The following ZSWIM6 variants were observed in gnomAD, a reference collection of about 807,000 sequenced individuals.
ZSWIM6 encodes the protein zinc finger SWIM-type containing 6.
In ZSWIM6, 9 loss-of-function variants were observed where a neutral mutation model predicts 113.2. The ratio of observed to expected loss-of-function variants is 0.08; its 90% CI spans 0.05 to 0.14. ZSWIM6 has a LOEUF of 0.14. Ranked by LOEUF, ZSWIM6 falls within the 10% of genes least tolerant of loss-of-function variation. ZSWIM6 has a pLI of 1.00. For synonymous variants in ZSWIM6, 611 were observed against 606.5 expected, an observed-to-expected ratio of 1.01 and a Z score of -0.11; for missense variants, 1,162 against 1,552.2, an observed-to-expected ratio of 0.75 and a Z score of 4.22.
intron 4 of ZSWIM6, among the ~76,000 whole-genome samples, chr5:61,499,663 C>A (rs1748411274): frequency 6.6e-6 from 1 of 152,082 alleles, no homozygotes; most frequent in African/African-American, 2.4e-5. Context: ...ACAACTTGAA[C>A]AAAGACAGCA....
chr5:61,528,664 T>C (rs950843196), intron 7 of ZSWIM6, among the ~76,000 whole-genome samples: 6 of 151,860 alleles, frequency 4.0e-5, no homozygotes, highest in African/African-American at 1.2e-4. Flanking sequence ...CTCGGCTTAC[T>C]GCAGCCTCTG....
chr5:61,442,534 C>A (rs546373395), intron 1 of ZSWIM6, among the ~76,000 whole-genome samples: 71 of 152,188 alleles, frequency 4.7e-4, no homozygotes, highest in Non-Finnish European at 8.7e-4. Context: ...CAGATCACAG[C>A]AGGACCAACC....
intron 1 of ZSWIM6, among the ~76,000 whole-genome samples, chr5:61,433,813 AT>A (rs1264853739): frequency 6.6e-6 from 1 of 151,880 alleles, no homozygotes; most frequent in Non-Finnish European, 1.5e-5. Context: ...AATTATGTAA[AT>A]ATAAAGAAAA....
intron 1 of ZSWIM6, among the ~76,000 whole-genome samples, chr5:61,417,417 C>T (rs1746280014): frequency 6.6e-6 from 1 of 152,112 alleles, no homozygotes; most frequent in African/African-American, 2.4e-5. Context: ...TGCAGGTTCC[C>T]AAAGAAGCCT....
rs374742147 is a variant in ZSWIM6, at chr5:61,525,992, G to A, written c.1690+16G>A. On this transcript the variant is annotated intron_variant, in intron 6 of 13. Transcript: ENST00000252744. Reference sequence around the variant, plus strand: ...CTCTGGCATGGTAAGTGACCAAACCGGAAAGACATTTCCATGACTTACTTC... The same window carrying A: ...CTCTGGCATGGTAAGTGACCAAACCAGAAAGACATTTCCATGACTTACTTC... 8.8e-5 allele frequency: 136 copies of A among 1,551,466 alleles called. No individual in the cohort carries two copies. The African/African-American group carries it at 1.1e-3, about 13-fold the overall frequency.
intron 4 of ZSWIM6, 118 bp downstream of exon 4, chr5:61,494,528 T>C: frequency 7.6e-7 from 1 of 1,318,876 alleles, no homozygotes; most frequent in Non-Finnish European, 1.0e-6. Flanking sequence ...GCATGGAACG[T>C]GTTGCCAATA....
rs375207911 is a variant in ZSWIM6, at chr5:61,493,484, A to G, written c.1183-776A>G. Among the ~76,000 whole-genome samples, 4 of 152,172 alleles carry G rather than the reference A, an allele frequency of 2.6e-5. No individual in the cohort carries two copies. In the East Asian group the frequency reaches 7.7e-4, roughly 29 times the overall value. On this transcript the variant is annotated intron_variant, in intron 3 of 13. Coordinates refer to ENST00000252744, the MANE Select transcript of ZSWIM6 (RefSeq NM_020928.2). The stretch of plus-strand genomic sequence containing the variant: ...AAAAAACTAAAGGCCAAGTGTTATT[A>G]TTATACACATTATCAGATCTACTTA...
intron 1 of ZSWIM6, among the ~76,000 whole-genome samples, chr5:61,438,452 T>G (rs1561237546): frequency 6.6e-6 from 1 of 152,210 alleles, no homozygotes; most frequent in Non-Finnish European, 1.5e-5. Flanking sequence ...TATTTAGTTA[T>G]CAGACTCTGA....
intron 2 of ZSWIM6, among the ~76,000 whole-genome samples, chr5:61,489,205 A>G (rs1748114257): frequency 6.6e-6 from 1 of 151,670 alleles, no homozygotes; most frequent in African/African-American, 2.4e-5. Context: ...CCTTTACTTC[A>G]TTTTTAATTA....
intron 1 of ZSWIM6, among the ~76,000 whole-genome samples, chr5:61,337,285 C>CAA (rs78369484): frequency 2.0e-5 from 3 of 150,268 alleles, no homozygotes; most frequent in Non-Finnish European, 3.0e-5. Flanking sequence ...TCTCCCCCCC[C>CAA]AAAAAAAACA....
intron 1 of ZSWIM6, among the ~76,000 whole-genome samples, chr5:61,338,695 T>C (rs1744459875): frequency 6.6e-6 from 1 of 152,218 alleles, no homozygotes; most frequent in Admixed American, 6.5e-5. Flanking sequence ...AAGGTGAAAA[T>C]GGCGGATTTG....
chr5:61,472,716 A>G lies in ZSWIM6; in HGVS notation c.712A>G (p.Ile238Val), dbSNP rs1461135651. The change falls in exon 2 of 14, where the codon ATA becomes GTA. Residue 238 changes from isoleucine to valine, a missense_variant. Coordinates refer to ENST00000252744, the MANE Select transcript of ZSWIM6 (RefSeq NM_020928.2). The surrounding 1 kb of genome is among the most constrained non-coding windows in gnomAD (Gnocchi z 4.1). ...GAGCGGCACAGTGACAGAACCTGCAATACAATCGGAGCCAGAAACTGTTTG... is the reference window on the plus strand; with the variant it reads ...GAGCGGCACAGTGACAGAACCTGCAGTACAATCGGAGCCAGAAACTGTTTG... ...HLSGTVTEPAIQSEPETVCNV... is the reference protein window; with the variant it reads ...HLSGTVTEPAVQSEPETVCNV... 26 of 1,546,944 alleles carry G rather than the reference A, an allele frequency of 1.7e-5. No individual in the cohort carries two copies. The highest frequency in any genetic ancestry group is 3.9e-5 in the Admixed American group (2 of 50,806).
intron 1 of ZSWIM6, among the ~76,000 whole-genome samples, chr5:61,433,059 G>A (rs1268630892): frequency 6.6e-6 from 1 of 152,104 alleles, no homozygotes; most frequent in East Asian, 1.9e-4. Context: ...GTCTAAGCAA[G>A]GATAATGGCC....
chr5:61,497,358 ATTTAT>A (rs1328958988), intron 4 of ZSWIM6, among the ~76,000 whole-genome samples: 2 of 152,180 alleles, frequency 1.3e-5, no homozygotes, highest in Non-Finnish European at 2.9e-5. Flanking sequence ...TAAAAGTAAC[ATTTAT>A]TTTAACTTTT....
In ZSWIM6 at chr5:61,445,783, A is replaced by G. The variant is rs2112152031; in HGVS notation, c.677-26898A>G. Among the ~76,000 whole-genome samples, 2 of 152,366 alleles carry G rather than the reference A, an allele frequency of 1.3e-5. 1 individual carries two copies. The highest frequency in any genetic ancestry group is 6.8e-3 in the Middle Eastern group (2 of 294). ...ATGAAAATTGAAAGCAAAAGTAAAT[A>G]GAAAATGAACCCCAAATTTTTTCTC... On this transcript the variant is annotated intron_variant, in intron 1 of 13. Coordinates refer to ENST00000252744, the MANE Select transcript of ZSWIM6 (RefSeq NM_020928.2).
chr5:61,402,691 T>A (rs1230907057), intron 1 of ZSWIM6, among the ~76,000 whole-genome samples: 1 of 152,242 alleles, frequency 6.6e-6, no homozygotes, highest in Non-Finnish European at 1.5e-5. Context: ...TATAAGGTTT[T>A]GCACCTTAAA....
At chr5:61,388,604 C>T (rs1745639726) in intron 1 of ZSWIM6, among the ~76,000 whole-genome samples, 1 of 152,240 alleles carries the variant, frequency 6.6e-6, no homozygotes, top group Admixed American at 6.5e-5. Context: ...AAACTTCCAA[C>T]AACCCTGTGA....
intron 1 of ZSWIM6, among the ~76,000 whole-genome samples, chr5:61,334,459 C>T (rs954872721): frequency 2.6e-5 from 4 of 152,170 alleles, no homozygotes; most frequent in Non-Finnish European, 2.9e-5. Context: ...TGATTGTTAA[C>T]TTAATCCTTT....
chr5:61,394,463 CTGTT>C (rs1359682905), intron 1 of ZSWIM6, among the ~76,000 whole-genome samples: 5 of 152,348 alleles, frequency 3.3e-5, no homozygotes, highest in Non-Finnish European at 7.3e-5. Context: ...CCAGTATTGA[CTGTT>C]TGATTTATAC....
Sources: allele counts gnomAD v4.1 joint callset (sites outside exome capture counted in the v4.1 genomes callset), GRCh38; gene constraint gnomAD v4.1.1; non-coding constraint Gnocchi (gnomAD v3.1); transcripts MANE v1.5; gene names NCBI Gene and HGNC (gene_info 2026-07-23, HGNC 2026-07-21).